LAMP1: variants seen among roughly 807,000 people sequenced by gnomAD.
LAMP1 encodes the protein lysosome-associated membrane glycoprotein 1.
In LAMP1, 7 loss-of-function variants were observed where a neutral mutation model predicts 37.5. The observed-to-expected ratio is 0.19, with a 90% CI of 0.11 to 0.35. The LOEUF (loss-of-function observed/expected upper bound fraction) is 0.35, where lower values mean the gene tolerates loss of function less well. LAMP1 is among the 10% of genes least tolerant of loss of function. The pLI, the probability that LAMP1 is intolerant of heterozygous loss-of-function variation, is 1.00. For synonymous variants in LAMP1, 236 were observed against 229.1 expected (o/e 1.03, Z -0.27); for missense variants, 537 against 552.8 (o/e 0.97, Z 0.29).
At chr13:113,308,798 TG>T (rs1454994678) in intron 2 of LAMP1, among the ~76,000 whole-genome samples, 1 of 152,152 alleles carries the variant, frequency 6.6e-6, no homozygotes, top group Non-Finnish European at 1.5e-5. Flanking sequence ...AGTTTCGTGT[TG>T]TTTTTTGGCC....
chr13:113,309,282 G>A (rs1169068755), intron 2 of LAMP1, among the ~76,000 whole-genome samples: 3 of 151,894 alleles, frequency 2.0e-5, no homozygotes, highest in African/African-American at 7.3e-5. Context: ...TTTTGTTTTT[G>A]TAGAGATGGG....
intron 4 of LAMP1, among the ~76,000 whole-genome samples, chr13:113,313,416 C>T (rs867428503): frequency 2.0e-5 from 3 of 152,230 alleles, no homozygotes; most frequent in Middle Eastern, 3.2e-3. Flanking sequence ...AGATCCTGGA[C>T]GTTGGTTCCT....
chr13:113,322,655 C>A lies in LAMP1; in HGVS notation c.*234C>A. ...TAACTGGTTAAACATTAATATTTACCAAAGTAGGATTTTGAGGGTGGGGGT... is the reference window on the plus strand; with the variant it reads ...TAACTGGTTAAACATTAATATTTACAAAAGTAGGATTTTGAGGGTGGGGGT... On this transcript the variant is annotated 3_prime_UTR_variant, in exon 9 of 9. Transcript: ENST00000332556. The A allele has an allele frequency of 5.6e-6, 1 of 178,190 alleles. No individual in the cohort carries two copies. The highest frequency in any genetic ancestry group is 1.1e-5 in the Non-Finnish European group (1 of 88,350). 11.0% of individuals were successfully genotyped at this position (178,190 alleles called of 1,614,324 possible).
intron 8 of LAMP1, chr13:113,322,039 G>C: frequency 1.7e-6 from 1 of 581,858 alleles, no homozygotes; most frequent in Non-Finnish European, 3.0e-6. Context: ...CCTGGACGCA[G>C]CACAGCTGTC....
intron 4 of LAMP1, among the ~76,000 whole-genome samples, 166 bp from the exon 5 acceptor site, chr13:113,319,303 C>T (rs763836083): frequency 4.6e-5 from 7 of 152,218 alleles, no homozygotes; most frequent in Non-Finnish European, 1.0e-4. Context: ...CTCTTTCCTG[C>T]GCGTCTAGAA....
chr13:113,314,275 G>T (rs549283161), intron 4 of LAMP1, among the ~76,000 whole-genome samples: 15 of 134,032 alleles, frequency 1.1e-4, no homozygotes, highest in Non-Finnish European at 2.2e-4. Context: ...CCTCCCGGAG[G>T]GAGTCAGTGT....
Position 113,321,262 on chromosome 13 carries a change from G to T in LAMP1, c.877-142G>T, listed in dbSNP as rs1362193467. 5.3e-6 allele frequency: 4 copies of T among 750,514 alleles called. No homozygotes were observed. Among genetic ancestry groups the T allele is most frequent in the Non-Finnish European group, 7.0e-6 (3 of 428,540 alleles). The allele number at this position is 750,514 out of a possible 1,614,324, so 46.5% of individuals were successfully genotyped here. The stretch of plus-strand genomic sequence containing the variant: ...TATAGACAAGATCTTTTGCAGTTTT[G>T]TTCTAATACTAGAAATGTAGGAAGT... On this transcript the variant is annotated intron_variant, in intron 6 of 8. Coordinates refer to ENST00000332556, the MANE Select transcript of LAMP1 (RefSeq NM_005561.4). The surrounding 1 kb of genome is among the most constrained non-coding windows in gnomAD (Gnocchi z 5.6).
rs1456109437 is a variant in LAMP1 at position 113,297,581 on chromosome 13, C to T, written c.61+86C>T. 6.0e-6 allele frequency: 7 copies of T among 1,163,830 alleles called. No individual in the cohort carries two copies. Among genetic ancestry groups the T allele is most frequent in the Non-Finnish European group, 6.4e-6 (6 of 936,646 alleles). 72.1% of individuals were successfully genotyped at this position (1,163,830 alleles called of 1,614,324 possible). On this transcript the variant is annotated intron_variant, in intron 1 of 8. Coordinates refer to ENST00000332556, the MANE Select transcript of LAMP1 (RefSeq NM_005561.4). This position sits in a 1 kb window ranked among gnomAD's most constrained non-coding sequence, Gnocchi z 4.4. ...TCTTGAGGGCGGGGGACTGCCGGGT[C>T]GTTGTCCCGCGGGTCGCCCCGCACC...
chr13:113,309,873 A>C lies in LAMP1; in HGVS notation c.403+11A>C. 6.2e-7 allele frequency: 1 copy of C among 1,600,902 alleles called. No homozygotes were observed. The highest frequency in any genetic ancestry group is 1.3e-5 in the African/African-American group (1 of 74,730). ...ATGCGAGCTCCAAAGGTAAGAACCA[A>C]AATGGGCCGATTATGAAGTGATAGA... On this transcript the variant is annotated intron_variant, in intron 3 of 8. Transcript: ENST00000332556.
intron 2 of LAMP1, among the ~76,000 whole-genome samples, chr13:113,308,122 C>G (rs1480747809): frequency 6.6e-6 from 1 of 151,942 alleles, no homozygotes; most frequent in Non-Finnish European, 1.5e-5. Flanking sequence ...TTGAGTGAGT[C>G]TCGTGCCTCA....
intron 1 of LAMP1, among the ~76,000 whole-genome samples, chr13:113,302,430 T>G (rs1595457040): frequency 6.6e-6 from 1 of 152,202 alleles, no homozygotes; most frequent in Admixed American, 6.5e-5. Flanking sequence ...CCTCAGGTGA[T>G]CCGCCTGCCT....
intron 3 of LAMP1, among the ~76,000 whole-genome samples, chr13:113,310,441 G>A (rs4907608): frequency 0.84 from 125,733 of 149,784 alleles, 56,291 homozygotes; most frequent in Non-Finnish European, 0.99. Context: ...CAAGAGAATC[G>A]CCTGAACCCA....
chr13:113,310,015 G>C (rs2042621285), intron 3 of LAMP1, among the ~76,000 whole-genome samples, 153 bp downstream of exon 3: 1 of 152,036 alleles, frequency 6.6e-6, no homozygotes, highest in Admixed American at 6.6e-5. Context: ...GATCACTTGA[G>C]GTCAGGAGTT....
intron 4 of LAMP1, among the ~76,000 whole-genome samples, chr13:113,314,389 C>T (rs1162784387): frequency 1.2e-4 from 13 of 104,612 alleles, no homozygotes; most frequent in East Asian, 6.4e-4. Flanking sequence ...CGTGGAGATG[C>T]CCATGTGCCT....
In LAMP1 at chr13:113,297,570, G is replaced by T. The variant is rs950113385; in HGVS notation, c.61+75G>T. 2.5e-6 allele frequency: 3 copies of T among 1,189,894 alleles called. No homozygotes were observed. The highest frequency in any genetic ancestry group is 3.1e-6 in the Non-Finnish European group (3 of 957,028). 73.7% of individuals were successfully genotyped at this position (1,189,894 alleles called of 1,614,324 possible). On this transcript the variant is annotated intron_variant, in intron 1 of 8. Coordinates refer to ENST00000332556, the MANE Select transcript of LAMP1 (RefSeq NM_005561.4). This position sits in a 1 kb window ranked among gnomAD's most constrained non-coding sequence, Gnocchi z 4.4. The stretch of plus-strand genomic sequence containing the variant: ...AGGTCCCTGGGTCTTGAGGGCGGGG[G>T]ACTGCCGGGTCGTTGTCCCGCGGGT...
At chr13:113,311,001 C>G in intron 4 of LAMP1, 134 bp downstream of exon 4, 1 of 659,060 alleles carries the variant, frequency 1.5e-6, no homozygotes, top group Admixed American at 3.1e-5. Context: ...CCGGCGACGT[C>G]TCTGCAGAAC....
chr13:113,315,301 C>T (rs987132183), intron 4 of LAMP1, among the ~76,000 whole-genome samples: 3 of 151,050 alleles, frequency 2.0e-5, no homozygotes, highest in Middle Eastern at 3.4e-3. Flanking sequence ...GTGGAGATGC[C>T]GGTGTGCCTG....
chr13:113,298,891 C>G (rs1411551900), intron 1 of LAMP1, among the ~76,000 whole-genome samples: 1 of 152,200 alleles, frequency 6.6e-6, no homozygotes, highest in Non-Finnish European at 1.5e-5. Context: ...GCCTTTAATC[C>G]CAACACTTTG....
chr13:113,306,615 C>T lies in LAMP1; in HGVS notation c.183+9C>T. 3 of 1,609,988 alleles carry T rather than the reference C, an allele frequency of 1.9e-6. No homozygotes were observed. The highest frequency in any genetic ancestry group is 2.5e-6 in the Non-Finnish European group (3 of 1,178,370). Reference sequence around the variant, plus strand: ...CCAAGAGTGGCCCTAAGGTAGGAAACACCAGGGCACTTCATGCTTCCCTTG... The same window carrying T: ...CCAAGAGTGGCCCTAAGGTAGGAAATACCAGGGCACTTCATGCTTCCCTTG... On this transcript the variant is annotated intron_variant, in intron 2 of 8. Coordinates refer to ENST00000332556, the MANE Select transcript of LAMP1 (RefSeq NM_005561.4).
Sources: gnomAD v4.1 joint callset for allele counts (sites outside exome capture counted in the v4.1 genomes callset) on GRCh38, gnomAD v4.1.1 for gene constraint, Gnocchi (gnomAD v3.1) non-coding constraint, MANE v1.5 for transcripts, NCBI Gene and HGNC (gene_info 2026-07-23, HGNC 2026-07-21) for gene names.